Variants in GTF2H4 observed in about 807,000 individuals in gnomAD.
GTF2H4 encodes general transcription factor IIH subunit 4.
GTF2H4 carries 49 observed loss-of-function variants against 62.2 expected under a neutral mutation model. The ratio of observed to expected loss-of-function variants is 0.79; its 90% CI spans 0.63 to 1.00. GTF2H4 has a LOEUF of 1.00. Ranked by LOEUF, GTF2H4 falls within the 50% of genes least tolerant of loss-of-function variation. The pLI, the probability that GTF2H4 is intolerant of heterozygous loss-of-function variation, is 0.00. For missense variants in GTF2H4, 479 were observed against 587.8 expected (o/e 0.81, Z 1.91); for synonymous variants, 189 against 233.8 (o/e 0.81, Z 1.75).
Position 30,910,079 on chromosome 6 carries a change from C to G in GTF2H4, c.374+16C>G, listed in dbSNP as rs753393952. ...TTCTGGGTGGGTATGTCACTTCTCT[C>G]TCTTCCTAAGCTAGGGCAGGGGAAC... On this transcript the variant is annotated intron_variant, in intron 4 of 13. Transcript: ENST00000259895. The surrounding 1 kb of genome is among the most constrained non-coding windows in gnomAD (Gnocchi z 4.7). The G allele has an allele frequency of 4.3e-6, 7 of 1,610,996 alleles. No homozygotes were observed. The Admixed American group carries it at 5.0e-5, about 12-fold the overall frequency.
In GTF2H4 at chr6:30,910,583, G is replaced by A. The variant is rs3218813; in HGVS notation, c.375-82G>A. The A allele has an allele frequency of 3.3e-3, 3,210 of 979,952 alleles. 23 individuals are homozygous for A. The highest frequency in any genetic ancestry group is 0.016 in the Middle Eastern group (56 of 3,540). The allele number at this position is 979,952 out of a possible 1,614,324, so 60.7% of individuals were successfully genotyped here. A position where few individuals can be genotyped will look rare whatever the true frequency, so the allele number is the denominator to read the frequency against. On this transcript the variant is annotated intron_variant, in intron 4 of 13. Transcript: ENST00000259895. This position sits in a 1 kb window ranked among gnomAD's most constrained non-coding sequence, Gnocchi z 4.7. ...TGACCTCAAGTGATCCGCCCATCTC[G>A]GCCTCCCAAAGTACAGGGATTACAG...
Position 30,909,146 on chromosome 6 carries a change from AC to A in GTF2H4, c.113del (p.Pro38LeufsTer19). On this transcript the variant is annotated frameshift_variant, in exon 2 of 14. Transcript: ENST00000259895. LOFTEE classifies it high-confidence loss of function. This position sits in a 1 kb window ranked among gnomAD's most constrained non-coding sequence, Gnocchi z 4.3. ...GGGGTATTGGACCGATTGTATGGGC[AC>A]CCTGCCACATGTCTGGCTGTCTTCA... ...SPGVLDRLYG[H>X]PATCLAVFRE... 1 of 1,613,588 alleles carries A rather than the reference AC, an allele frequency of 6.2e-7. No individual in the cohort carries two copies. The highest frequency in any genetic ancestry group is 1.1e-5 in the South Asian group (1 of 91,040).
rs1056931997 is a variant in GTF2H4, at chr6:30,912,815, T to C, written c.1090-295T>C. On this transcript the variant is annotated intron_variant, in intron 11 of 13. Coordinates refer to ENST00000259895, the MANE Select transcript of GTF2H4 (RefSeq NM_001517.5). This position sits in a 1 kb window ranked among gnomAD's most constrained non-coding sequence, Gnocchi z 4.8. ...CATTGGAAGAATAGGGGCAAAGCAT[T>C]GAGCTCAGCACCTGTCATGCAATAA... Among the ~76,000 whole-genome samples the C allele has an allele frequency of 2.6e-5, 4 of 152,098 alleles. No individual in the cohort carries two copies. The highest frequency in any genetic ancestry group is 5.9e-5 in the Non-Finnish European group (4 of 68,012).
chr6:30,909,938 G>A lies in GTF2H4; in HGVS notation c.249G>A (p.Gln83=), dbSNP rs1793694777. 6.2e-7 allele frequency: 1 copy of A among 1,611,814 alleles called. No individual in the cohort carries two copies. The highest frequency in any genetic ancestry group is 8.5e-7 in the Non-Finnish European group (1 of 1,179,714). Reference sequence around the variant, plus strand: ...CTCTCTGCTTCTGTTCCAGGGCTCAGGAGGAAAGTACAGGGCTGCTGAGCG... The same window carrying A: ...CTCTCTGCTTCTGTTCCAGGGCTCAAGAGGAAAGTACAGGGCTGCTGAGCG... ...LWVKKEFSKA[Q]EESTGLLSGL... is the part of the protein sequence containing the mutation. Residue 83 remains glutamine (Q), a synonymous_variant, in exon 4 of 14, where the codon CAG becomes CAA. Transcript: ENST00000259895. The surrounding 1 kb of genome is among the most constrained non-coding windows in gnomAD (Gnocchi z 4.3).
At position 30,913,788 on chromosome 6, in the gene GTF2H4, C is replaced by T. The variant is rs761994802; in HGVS notation, c.1217-23C>T. On this transcript the variant is annotated intron_variant, in intron 13 of 13. Transcript: ENST00000259895. This position sits in a 1 kb window ranked among gnomAD's most constrained non-coding sequence, Gnocchi z 4.2. ...TCACTTTCTCGTCTTCTCCCCGCGC[C>T]CCTCCCGTCCTGCCGACCCCAGGTG... 4.6e-6 allele frequency: 7 copies of T among 1,526,482 alleles called. No homozygotes were observed. The highest frequency in any genetic ancestry group is 6.2e-6 in the Non-Finnish European group (7 of 1,134,620). The allele number at this position is 1,526,482 out of a possible 1,614,324, so 94.6% of individuals were successfully genotyped here.
At position 30,911,005 on chromosome 6, in the gene GTF2H4, T is replaced by C. The variant is rs1793740474; in HGVS notation, c.560+64T>C. On this transcript the variant is annotated intron_variant, in intron 6 of 13. Coordinates refer to ENST00000259895, the MANE Select transcript of GTF2H4 (RefSeq NM_001517.5). This position sits in a 1 kb window ranked among gnomAD's most constrained non-coding sequence, Gnocchi z 4.3. ...ATCTCCTTGGGTCCCTAAGAAATGG[T>C]ATCTGGGGCTAGTCAAGATCAGAGG... 7.2e-7 allele frequency: 1 copy of C among 1,393,498 alleles called. No homozygotes were observed. Among genetic ancestry groups the C allele is most frequent in the Admixed American group, 1.9e-5 (1 of 52,026 alleles). 86.3% of individuals were successfully genotyped at this position (1,393,498 alleles called of 1,614,324 possible). A position where few individuals can be genotyped will look rare whatever the true frequency, so the allele number is the denominator to read the frequency against.
chr6:30,910,239 TC>T lies in GTF2H4; in HGVS notation c.374+181del, dbSNP rs917411748. Among the ~76,000 whole-genome samples the T allele has an allele frequency of 6.6e-6, 1 of 152,060 alleles. No individual in the cohort carries two copies. Among genetic ancestry groups the T allele is most frequent in the African/African-American group, 2.4e-5 (1 of 41,406 alleles). ...GATGTAGTGTGTGGTGTAGGAAATG[TC>T]CCCCACTCATGGCCCCTGAGGATAA... On this transcript the variant is annotated intron_variant, in intron 4 of 13. Transcript: ENST00000259895. The surrounding 1 kb of genome is among the most constrained non-coding windows in gnomAD (Gnocchi z 4.7).
In GTF2H4 at chr6:30,909,557, A is replaced by G. The variant is rs767125462; in HGVS notation, c.242+18A>G. Reference sequence around the variant, plus strand: ...TTCAGCAAGTAAGTCTCAGCCAGATACAAATTTCTCAACAGCTACATTTCC... The same window carrying G: ...TTCAGCAAGTAAGTCTCAGCCAGATGCAAATTTCTCAACAGCTACATTTCC... On this transcript the variant is annotated intron_variant, in intron 3 of 13. Coordinates refer to ENST00000259895, the MANE Select transcript of GTF2H4 (RefSeq NM_001517.5). This position sits in a 1 kb window ranked among gnomAD's most constrained non-coding sequence, Gnocchi z 4.3. The G allele has an allele frequency of 6.7e-7, 1 of 1,498,380 alleles. No individual in the cohort carries two copies. The highest frequency in any genetic ancestry group is 2.3e-5 in the East Asian group (1 of 44,224). The allele number at this position is 1,498,380 out of a possible 1,614,324, so 92.8% of individuals were successfully genotyped here.
rs764033929 is a variant in GTF2H4, at chr6:30,911,213, C to A, written c.616C>A (p.Leu206Met). The change falls in exon 7 of 14, where the codon CTG becomes ATG. Residue 206 changes from leucine to methionine, a missense_variant. Transcript: ENST00000259895. This position sits in a 1 kb window ranked among gnomAD's most constrained non-coding sequence, Gnocchi z 4.3. Reference protein sequence around the residue: ...ITSAGFQFLLLDTPAQLWYFM... With the variant: ...ITSAGFQFLLMDTPAQLWYFM... ...TTCCGCTGGCTTCCAGTTCCTGTTG[C>A]TGGACACCCCGGCTCAGCTCTGGTA... 1 of 1,613,712 alleles carries A rather than the reference C, an allele frequency of 6.2e-7. No homozygotes were observed. The highest frequency in any genetic ancestry group is 1.7e-5 in the Admixed American group (1 of 60,020).
Position 30,914,023 on chromosome 6 carries a change from G to T in GTF2H4, c.*40G>T, listed in dbSNP as rs748227932. 1 of 1,483,784 alleles carries T rather than the reference G, an allele frequency of 6.7e-7. No individual in the cohort carries two copies. The highest frequency in any genetic ancestry group is 9.1e-7 in the Non-Finnish European group (1 of 1,093,114). The allele number at this position is 1,483,784 out of a possible 1,614,324, so 91.9% of individuals were successfully genotyped here. On this transcript the variant is annotated 3_prime_UTR_variant, in exon 14 of 14. Coordinates refer to ENST00000259895, the MANE Select transcript of GTF2H4 (RefSeq NM_001517.5). ...GACACGGACCTCGGCGGGCGGGACTGGGCGGGGCGGGGCATCAGAACTCAG... is the reference window on the plus strand; with the variant it reads ...GACACGGACCTCGGCGGGCGGGACTTGGCGGGGCGGGGCATCAGAACTCAG...
rs773111203 is a variant in GTF2H4 at position 30,910,597 on chromosome 6, C to T, written c.375-68C>T. ...CCGCCCATCTCGGCCTCCCAAAGTA[C>T]AGGGATTACAGGTGTGAGCCACTGC... On this transcript the variant is annotated intron_variant, in intron 4 of 13. Transcript: ENST00000259895. This position sits in a 1 kb window ranked among gnomAD's most constrained non-coding sequence, Gnocchi z 4.7. The T allele has an allele frequency of 6.2e-6, 7 of 1,134,058 alleles. No homozygotes were observed. In the African/African-American group the frequency reaches 9.1e-5, roughly 15 times the overall value. The allele number at this position is 1,134,058 out of a possible 1,614,324, so 70.2% of individuals were successfully genotyped here.
Position 30,911,793 on chromosome 6 carries a change from C to A in GTF2H4, c.825+26C>A, listed in dbSNP as rs1793773049. The A allele has an allele frequency of 6.3e-7, 1 of 1,592,016 alleles. No homozygotes were observed. Among genetic ancestry groups the A allele is most frequent in the African/African-American group, 1.3e-5 (1 of 74,398 alleles). On this transcript the variant is annotated intron_variant, in intron 9 of 13. Coordinates refer to ENST00000259895, the MANE Select transcript of GTF2H4 (RefSeq NM_001517.5). The surrounding 1 kb of genome is among the most constrained non-coding windows in gnomAD (Gnocchi z 4.3). ...GTATGAGCGCCTAGATAAGTGGCTT[C>A]CAGGGAAGAAACAGGGTGGTGTGTT...
Position 30,911,918 on chromosome 6 carries a change from G to A in GTF2H4, c.826-96G>A. ...TCTCGGGGGAGAGAAGTTGGGGGTTGAGGTTCTGCATCTTGGGAGGGATCT... is the reference window on the plus strand; with the variant it reads ...TCTCGGGGGAGAGAAGTTGGGGGTTAAGGTTCTGCATCTTGGGAGGGATCT... On this transcript the variant is annotated intron_variant, in intron 9 of 13. Transcript: ENST00000259895. This position sits in a 1 kb window ranked among gnomAD's most constrained non-coding sequence, Gnocchi z 4.3. 6.7e-7 allele frequency: 1 copy of A among 1,502,370 alleles called. No individual in the cohort carries two copies. Among genetic ancestry groups the A allele is most frequent in the Non-Finnish European group, 9.1e-7 (1 of 1,096,324 alleles). 93.1% of individuals were successfully genotyped at this position (1,502,370 alleles called of 1,614,324 possible). A position where few individuals can be genotyped will look rare whatever the true frequency, so the allele number is the denominator to read the frequency against.
Position 30,911,659 on chromosome 6 carries a change from C to T in GTF2H4, c.742-25C>T. On this transcript the variant is annotated intron_variant, in intron 8 of 13. Coordinates refer to ENST00000259895, the MANE Select transcript of GTF2H4 (RefSeq NM_001517.5). This position sits in a 1 kb window ranked among gnomAD's most constrained non-coding sequence, Gnocchi z 4.3. ...GGGTGGGTGGGTTGTGTTTTGGACC[C>T]CAGCTGGAAACCTCTGTTCCTCAGG... The T allele has an allele frequency of 6.3e-7, 1 of 1,596,102 alleles. No individual in the cohort carries two copies. Among genetic ancestry groups the T allele is most frequent in the Non-Finnish European group, 8.6e-7 (1 of 1,164,562 alleles).
chr6:30,910,903 C>T lies in GTF2H4; in HGVS notation c.522C>T (p.Asp174=), dbSNP rs939955076. Residue 174 remains aspartate (D), a synonymous_variant, in exon 6 of 14, where the codon GAC becomes GAT. Coordinates refer to ENST00000259895, the MANE Select transcript of GTF2H4 (RefSeq NM_001517.5). This position sits in a 1 kb window ranked among gnomAD's most constrained non-coding sequence, Gnocchi z 4.7. ...CCCCCAGTGCAGCTGTCAGCCAGGA[C>T]TTGGCTCAGCTCCTCAGCCAGGCTG... ...VGSPSAAVSQ[D]LAQLLSQAGL... The T allele has an allele frequency of 1.9e-6, 3 of 1,611,638 alleles. No homozygotes were observed. The highest frequency in any genetic ancestry group is 1.7e-6 in the Non-Finnish European group (2 of 1,179,438).
Position 30,913,401 on chromosome 6 carries a change from G to C in GTF2H4, c.1216+14G>C. The C allele has an allele frequency of 6.2e-7, 1 of 1,611,868 alleles. No individual in the cohort carries two copies. The highest frequency in any genetic ancestry group is 2.2e-5 in the East Asian group (1 of 44,872). On this transcript the variant is annotated intron_variant, in intron 13 of 13. Transcript: ENST00000259895. The surrounding 1 kb of genome is among the most constrained non-coding windows in gnomAD (Gnocchi z 4.2). ...GGTTCACTGAGGGTGAGTAGCTTCT[G>C]GTGGCCAAGTCTTGGTCATTGGCCA...
rs772287682 is a variant in GTF2H4 at position 30,912,025 on chromosome 6, G to T, written c.837G>T (p.Arg279=). ...TCTATTCTTTTCAGAGGAAATCTCG[G>T]CGTTACTACCCCACACGCCTGGCCA... The part of the protein sequence containing the change: ...GLVFQRKRKS[R]RYYPTRLAIN... The change falls in exon 10 of 14, where the codon CGG becomes CGT. Residue 279 remains arginine, a synonymous_variant. Transcript: ENST00000259895. The surrounding 1 kb of genome is among the most constrained non-coding windows in gnomAD (Gnocchi z 4.8). 5.2e-5 allele frequency: 84 copies of T among 1,612,756 alleles called. No individual in the cohort carries two copies. The highest frequency in any genetic ancestry group is 6.4e-5 in the Non-Finnish European group (75 of 1,179,986).
Position 30,910,825 on chromosome 6 carries a change from G to C in GTF2H4, c.472-28G>C. ...CTACTTCCCATGGCCCTTGGGGCAT[G>C]GTCTCCCTGTTCTCTTCTGTTCTTC... is the stretch of plus-strand genomic sequence containing the variant. On this transcript the variant is annotated intron_variant, in intron 5 of 13. Coordinates refer to ENST00000259895, the MANE Select transcript of GTF2H4 (RefSeq NM_001517.5). This position sits in a 1 kb window ranked among gnomAD's most constrained non-coding sequence, Gnocchi z 4.7. 6.2e-7 allele frequency: 1 copy of C among 1,607,242 alleles called. No homozygotes were observed. Among genetic ancestry groups the C allele is most frequent in the South Asian group, 1.1e-5 (1 of 90,794 alleles).
At position 30,909,662 on chromosome 6, in the gene GTF2H4, ACT is replaced by A; in HGVS notation, c.242+126_242+127del. On this transcript the variant is annotated intron_variant, in intron 3 of 13. Transcript: ENST00000259895. This position sits in a 1 kb window ranked among gnomAD's most constrained non-coding sequence, Gnocchi z 4.3. Reference sequence around the variant, plus strand: ...ACTTAAAAATAAATACATTTGGGAAACTCTGCATATTGCCTTTTCCCTTTTAT... The same window carrying A: ...ACTTAAAAATAAATACATTTGGGAAACTGCATATTGCCTTTTCCCTTTTAT... The A allele has an allele frequency of 7.6e-6, 5 of 656,044 alleles. No homozygotes were observed. The highest frequency in any genetic ancestry group is 1.3e-5 in the Non-Finnish European group (5 of 379,328). 40.6% of individuals were successfully genotyped at this position (656,044 alleles called of 1,614,324 possible).
Sources: gnomAD v4.1 joint callset for allele counts (sites outside exome capture counted in the v4.1 genomes callset) on GRCh38, gnomAD v4.1.1 for gene constraint, Gnocchi (gnomAD v3.1) non-coding constraint, MANE v1.5 for transcripts, NCBI Gene and HGNC (gene_info 2026-07-23, HGNC 2026-07-21) for gene names.